FGF14: variants seen among roughly 807,000 people sequenced by gnomAD.
FGF14 encodes fibroblast growth factor 14, also known as fibroblast growth factor homologous factor 4.
A neutral mutation model predicts 25.5 loss-of-function variants in FGF14; 5 were observed. The observed-to-expected ratio is 0.20, with a 90% confidence interval of 0.10 to 0.41. The LOEUF is 0.41. Among genes scored for constraint, FGF14 ranks in the 10% least tolerant of loss-of-function variants. FGF14 has a pLI of 1.00. For missense variants in FGF14, 222 were observed against 320.1 expected, an observed-to-expected ratio of 0.69 and a Z score of 2.34; for synonymous variants, 138 against 118.3, an observed-to-expected ratio of 1.17 and a Z score of -1.08.
At chr13:101,937,309 A>G (rs1018757118) in intron 1 of FGF14, among the ~76,000 whole-genome samples, 27 of 152,210 alleles carry the variant, frequency 1.8e-4, no homozygotes, top group Non-Finnish European at 5.9e-5. Context: ...CCTAACCCCT[A>G]GTACCTCAGA....
At chr13:102,276,603 A>G (rs1018425372) in intron 1 of FGF14, among the ~76,000 whole-genome samples, 1 of 152,028 alleles carries the variant, frequency 6.6e-6, no homozygotes, top group African/African-American at 2.4e-5. Context: ...CCTTTGGTGC[A>G]TTATTCAACT....
chr13:101,764,450 C>A (rs1324501533), intron 3 of FGF14, among the ~76,000 whole-genome samples: 1 of 152,220 alleles, frequency 6.6e-6, no homozygotes, highest in Non-Finnish European at 1.5e-5. Context: ...TTGAACCTCA[C>A]TGGTGATCTC....
chr13:102,317,112 C>T (rs1366315489), intron 1 of FGF14, among the ~76,000 whole-genome samples: 1 of 152,082 alleles, frequency 6.6e-6, no homozygotes, highest in African/African-American at 2.4e-5. Context: ...CTGCCTCTAG[C>T]ACAGATGCAT....
chr13:101,882,089 C>T (rs965249511), intron 1 of FGF14, among the ~76,000 whole-genome samples: 1 of 151,574 alleles, frequency 6.6e-6, no homozygotes, highest in Non-Finnish European at 1.5e-5. Context: ...ACTGTAGATA[C>T]AGTATTATGT....
chr13:101,721,606 C>T lies in FGF14; in HGVS notation c.*1225G>A, dbSNP rs1490881067. The T allele has an allele frequency of 1.3e-5, 2 of 151,936 alleles. No homozygotes were observed. The highest frequency in any genetic ancestry group is 2.9e-5 in the Non-Finnish European group (2 of 67,948). The allele number at this position is 151,936 out of a possible 1,614,324, so 9.4% of individuals were successfully genotyped here. On this transcript the variant is annotated 3_prime_UTR_variant, in exon 5 of 5. Coordinates refer to ENST00000376143, the MANE Select transcript of FGF14 (RefSeq NM_004115.4). Reference sequence around the variant, plus strand: ...ATGCTGAGCTAAAAAAAATATTTTTCCTAATATGTCCAGTTTAAAAACTTG... The same window carrying T: ...ATGCTGAGCTAAAAAAAATATTTTTTCTAATATGTCCAGTTTAAAAACTTG...
intron 1 of FGF14, among the ~76,000 whole-genome samples, chr13:102,106,510 G>A (rs893181588): frequency 5.3e-5 from 8 of 150,224 alleles, no homozygotes; most frequent in Non-Finnish European, 1.0e-4. Flanking sequence ...GGGAGGCGGA[G>A]GTTGCAGTGA....
At chr13:101,910,175 A>G (rs1311282992) in intron 1 of FGF14, among the ~76,000 whole-genome samples, 1 of 152,064 alleles carries the variant, frequency 6.6e-6, no homozygotes, top group Non-Finnish European at 1.5e-5. Flanking sequence ...GCACACCAAC[A>G]CGGCACATGT....
intron 1 of FGF14, among the ~76,000 whole-genome samples, chr13:102,365,052 T>C (rs994155102): frequency 4.6e-5 from 7 of 152,320 alleles, no homozygotes; most frequent in African/African-American, 1.7e-4. Context: ...ACCACTAGGT[T>C]TCTCCATTGT....
chr13:102,080,448 T>C (rs2043565630), intron 1 of FGF14, among the ~76,000 whole-genome samples: 1 of 152,182 alleles, frequency 6.6e-6, no homozygotes, highest in Non-Finnish European at 1.5e-5. Flanking sequence ...GCTGGGGCCA[T>C]CCTCAATTCC....
At chr13:101,747,766 GACA>G (rs766036693) in intron 3 of FGF14, among the ~76,000 whole-genome samples, 8 of 151,984 alleles carry the variant, frequency 5.3e-5, no homozygotes, top group African/African-American at 1.4e-4. Context: ...AAGGAATTCA[GACA>G]ACAACAACAT....
At chr13:101,746,796 A>G (rs537742634) in intron 3 of FGF14, among the ~76,000 whole-genome samples, 3 of 152,104 alleles carry the variant, frequency 2.0e-5, no homozygotes, top group Non-Finnish European at 4.4e-5. Flanking sequence ...CCCTTCTATC[A>G]TGTGATATTC....
At position 101,916,897 on chromosome 13, in the gene FGF14, G is replaced by GGCC. The variant is rs2033571995; in HGVS notation, c.-255_-253dup. 1.3e-5 allele frequency among the ~76,000 whole-genome samples: 2 copies of GGCC among 152,050 alleles called. No homozygotes were observed. Among genetic ancestry groups the GGCC allele is most frequent in the Admixed American group, 6.6e-5 (1 of 15,264 alleles). ...ACGATCCCGGGAAGCCGGACGTCGT[G>GGCC]GCCGCCGCCGCTTGGCCACGTCCGA... On this transcript the variant is annotated 5_prime_UTR_variant, in exon 1 of 5. Coordinates refer to ENST00000376143, the MANE Select transcript of FGF14 (RefSeq NM_004115.4).
intron 3 of FGF14, among the ~76,000 whole-genome samples, chr13:101,810,015 T>G (rs984334949): frequency 1.3e-5 from 2 of 152,202 alleles, no homozygotes; most frequent in African/African-American, 4.8e-5. Context: ...CATCTGTGTG[T>G]TCCTATAGTA....
intron 1 of FGF14, among the ~76,000 whole-genome samples, chr13:102,214,838 A>G (rs2050305865): frequency 6.6e-6 from 1 of 152,202 alleles, no homozygotes; most frequent in South Asian, 2.1e-4. Flanking sequence ...CAGATAAAAA[A>G]TTATCCAGCC....
chr13:102,328,962 C>T (rs1408063758), intron 1 of FGF14, among the ~76,000 whole-genome samples: 2 of 152,132 alleles, frequency 1.3e-5, no homozygotes, highest in Non-Finnish European at 2.9e-5. Context: ...GTCCCTAGGC[C>T]TCCTACAGCC....
At chr13:101,965,331 T>G (rs1373251776) in intron 1 of FGF14, among the ~76,000 whole-genome samples, 1 of 152,054 alleles carries the variant, frequency 6.6e-6, no homozygotes, top group East Asian at 1.9e-4. Flanking sequence ...GGTGGTAAGC[T>G]GCACAAAGAT....
In FGF14 at chr13:101,724,597, A is replaced by AATATATATATATATATAT. The variant is rs201033233; in HGVS notation, c.608-1648_608-1631dup. ...CCTAGAACTTAAAGTATAATAATAA[A>AATATATATATATATATAT]ATATATATATATATATATATATATA... On this transcript the variant is annotated intron_variant, in intron 4 of 4. Transcript: ENST00000376143. Among the ~76,000 whole-genome samples the AATATATATATATATATAT allele has an allele frequency of 3.6e-3, 432 of 121,132 alleles. 2 individuals carry two copies. The highest frequency in any genetic ancestry group is 4.9e-3 in the Middle Eastern group (1 of 206). The allele number at this position is 121,132 out of a possible 152,430, so 79.5% of individuals were successfully genotyped here. A position where few individuals can be genotyped will look rare whatever the true frequency, so the allele number is the denominator to read the frequency against.
intron 1 of FGF14, among the ~76,000 whole-genome samples, chr13:102,085,122 C>A (rs1010176097): frequency 6.6e-6 from 1 of 152,188 alleles, no homozygotes; most frequent in African/African-American, 2.4e-5. Context: ...TCCTCTGCCC[C>A]CTTTGTGCAA....
In FGF14 at chr13:102,364,421, T is replaced by TC. The variant is rs201193518; in HGVS notation, c.208+37049dup. Among the ~76,000 whole-genome samples the TC allele has an allele frequency of 5.5e-3, 833 of 152,288 alleles. 11 individuals are homozygous for TC. The highest frequency in any genetic ancestry group is 0.019 in the African/African-American group (794 of 41,564). ...AGGTTGCTCACATATTCACAGTAACTCCAACAGTAGTGGGGTTCTTCTACA... is the reference window on the plus strand; with the variant it reads ...AGGTTGCTCACATATTCACAGTAACTCCCAACAGTAGTGGGGTTCTTCTACA... On this transcript the variant is annotated intron_variant, in intron 1 of 4. Coordinates refer to the FGF14 transcript ENST00000376131.
Sources: allele counts gnomAD v4.1 joint callset (sites outside exome capture counted in the v4.1 genomes callset), GRCh38; gene constraint gnomAD v4.1.1; transcripts MANE v1.5; gene names NCBI Gene and HGNC (gene_info 2026-07-23, HGNC 2026-07-21).